ZPLD1: variants seen among roughly 807,000 people sequenced by gnomAD.
The protein encoded by ZPLD1 is zona pellucida-like domain-containing protein 1.
In ZPLD1, 34 loss-of-function variants were observed where a neutral mutation model predicts 47.2. The ratio of observed to expected loss-of-function variants is 0.72; its 90% CI spans 0.55 to 0.96. ZPLD1 has a LOEUF of 0.96. ZPLD1 is among the 40% of genes least tolerant of loss of function. The probability of loss-of-function intolerance (pLI) is 0.00; values close to 1 mark genes in which losing one functional copy is unlikely to be tolerated. For synonymous variants in ZPLD1, 176 were observed against 186.2 expected (o/e 0.95, Z 0.45); for missense variants, 512 against 505.8 (o/e 1.01, Z -0.12).
intron 6 of ZPLD1, among the ~76,000 whole-genome samples, chr3:102,391,714 T>G (rs992019462): frequency 6.6e-6 from 1 of 152,026 alleles, no homozygotes; most frequent in Admixed American, 6.6e-5. Context: ...CAGTCAGATA[T>G]CCCCACTGAG....
In ZPLD1 at chr3:102,477,462, C is replaced by T; in HGVS notation, c.1092C>T (p.Pro364=). The change falls in exon 12 of 12, where the codon CCC becomes CCT. Residue 364 remains proline (P), a synonymous_variant. Transcript: ENST00000466937. The stretch of plus-strand genomic sequence containing the variant: ...TTGCAGGTTCTCCAAGTATGCCTCC[C>T]TTCCAGCTGAACGCCATCACCAGCG... ...NSQLGSPSMP[P]FQLNAITSAL... 1 of 1,612,736 alleles carries T rather than the reference C, an allele frequency of 6.2e-7. No individual in the cohort carries two copies. Among genetic ancestry groups the T allele is most frequent in the Non-Finnish European group, 8.5e-7 (1 of 1,179,432 alleles).
At chr3:102,413,541 A>G (rs151254942) in intron 7 of ZPLD1, among the ~76,000 whole-genome samples, 99 of 151,894 alleles carry the variant, frequency 6.5e-4, no homozygotes, top group African/African-American at 2.3e-3. Context: ...CCTGAAACAA[A>G]AATTAAGTAT....
At chr3:102,469,725 A>G (rs1707652470) in intron 9 of ZPLD1, among the ~76,000 whole-genome samples, 1 of 152,164 alleles carries the variant, frequency 6.6e-6, no homozygotes, top group African/African-American at 2.4e-5. Context: ...GGAAAGGTAG[A>G]TTGTGGCCAG....
chr3:102,454,227 A>C (rs9822597), intron 4 of ZPLD1, among the ~76,000 whole-genome samples: 4,391 of 152,268 alleles, frequency 0.029, 90 homozygotes, highest in South Asian at 0.046. Context: ...GCCCGTGACC[A>C]TTTCCAAGCC....
chr3:102,403,333 C>A (rs368188736), intron 7 of ZPLD1, among the ~76,000 whole-genome samples: 1 of 151,936 alleles, frequency 6.6e-6, no homozygotes, highest in Non-Finnish European at 1.5e-5. Flanking sequence ...GATAGATGAG[C>A]TTTTGTTTCC....
intron 8 of ZPLD1, among the ~76,000 whole-genome samples, chr3:102,427,545 G>A (rs183771285): frequency 1.4e-4 from 21 of 152,286 alleles, no homozygotes; most frequent in Admixed American, 2.6e-4. Context: ...TTTGAAGGCA[G>A]GTCCCAGGGA....
At position 102,392,503 on chromosome 3, in the gene ZPLD1, CCTTT is replaced by C. The variant is rs1363863113; in HGVS notation, c.-157+286_-157+289del. 7.9e-5 allele frequency among the ~76,000 whole-genome samples: 12 copies of C among 151,352 alleles called. No homozygotes were observed. In the East Asian group the frequency reaches 1.4e-3, roughly 17 times the overall value. ...ATGTTACCTCAGGTGGATCTCCCTT[CCTTT>C]CTTTCTTCCTTCCTTCCTTCCTTCC... On this transcript the variant is annotated intron_variant, in intron 7 of 17. Coordinates refer to the ZPLD1 transcript ENST00000491959.
chr3:102,468,860 C>A, intron 8 of ZPLD1, 104 bp from the exon 9 acceptor site: 1 of 1,098,076 alleles, frequency 9.1e-7, no homozygotes, highest in South Asian at 1.7e-5. Context: ...TCTGTTAGCT[C>A]TTAATGTAAT....
intron 7 of ZPLD1, among the ~76,000 whole-genome samples, chr3:102,400,147 G>A (rs1329731546): frequency 6.6e-6 from 1 of 152,022 alleles, no homozygotes; most frequent in Non-Finnish European, 1.5e-5. Context: ...GCATAACTCA[G>A]TAAAGAAAGT....
chr3:102,405,030 A>G (rs1706665400), intron 7 of ZPLD1, among the ~76,000 whole-genome samples: 1 of 152,010 alleles, frequency 6.6e-6, no homozygotes, highest in Non-Finnish European at 1.5e-5. Flanking sequence ...TGAGCTTGTA[A>G]CAGCTGCTGT....
chr3:102,477,876 G>T lies in ZPLD1; in HGVS notation c.*258G>T. 3.3e-6 allele frequency: 1 copy of T among 302,596 alleles called. No individual in the cohort carries two copies. Among genetic ancestry groups the T allele is most frequent in the Non-Finnish European group, 6.0e-6 (1 of 166,376 alleles). The allele number at this position is 302,596 out of a possible 1,614,324, so 18.7% of individuals were successfully genotyped here. ...TAAGTGAAAAATATTCAGGACTTAGGGCTTACAGGATCAGTAATATTTCAT... is the reference window on the plus strand; with the variant it reads ...TAAGTGAAAAATATTCAGGACTTAGTGCTTACAGGATCAGTAATATTTCAT... On this transcript the variant is annotated 3_prime_UTR_variant, in exon 12 of 12. Coordinates refer to ENST00000466937, the MANE Select transcript of ZPLD1 (RefSeq NM_001329788.2).
rs1707769400 is a variant in ZPLD1, at chr3:102,477,069, T to C, written c.1072+28T>C. 1.9e-6 allele frequency: 3 copies of C among 1,611,644 alleles called. No individual in the cohort carries two copies. The African/African-American group carries it at 4.0e-5, about 22-fold the overall frequency. On this transcript the variant is annotated intron_variant, in intron 11 of 11. Transcript: ENST00000466937. ...AAGATAATTAACATATTTTGCAATG[T>C]TTTTTACATTTTTGGTGATCAGTTA... is the stretch of plus-strand genomic sequence containing the variant.
At chr3:102,458,386 C>G (rs1352039329) in intron 6 of ZPLD1, among the ~76,000 whole-genome samples, 1 of 152,110 alleles carries the variant, frequency 6.6e-6, no homozygotes, top group Non-Finnish European at 1.5e-5. Context: ...TCGACATTGG[C>G]AGCAAAACGT....
intron 10 of ZPLD1, among the ~76,000 whole-genome samples, chr3:102,473,775 G>A: frequency 6.6e-6 from 1 of 152,054 alleles, no homozygotes; most frequent in Middle Eastern, 3.2e-3. Flanking sequence ...CCATCCACAT[G>A]CAAATCCTGT....
At position 102,477,717 on chromosome 3, in the gene ZPLD1, A is replaced by G; in HGVS notation, c.*99A>G. On this transcript the variant is annotated 3_prime_UTR_variant, in exon 12 of 12. Transcript: ENST00000466937. ...TGAATTTCATGTCAGTCCACATTCA[A>G]TATTTGTAGGTTTGATAAATTTCAC... 8.7e-7 allele frequency: 1 copy of G among 1,152,116 alleles called. No homozygotes were observed. The highest frequency in any genetic ancestry group is 1.2e-6 in the Non-Finnish European group (1 of 829,108). 71.4% of individuals were successfully genotyped at this position (1,152,116 alleles called of 1,614,324 possible). A position where few individuals can be genotyped will look rare whatever the true frequency, so the allele number is the denominator to read the frequency against.
At chr3:102,446,993 A>G (rs1456416597) in intron 3 of ZPLD1, among the ~76,000 whole-genome samples, 1 of 152,192 alleles carries the variant, frequency 6.6e-6, no homozygotes, top group Non-Finnish European at 1.5e-5. Context: ...TCTTGAAAAT[A>G]AGTAAAACCA....
At chr3:102,462,181 G>A in intron 6 of ZPLD1, 100 bp from the exon 7 acceptor site, 4 of 699,548 alleles carry the variant, frequency 5.7e-6, no homozygotes, top group Non-Finnish European at 9.3e-6. Context: ...GGTTTATGTT[G>A]ATTTACTTTC....
Position 102,469,056 on chromosome 3 carries a change from A to G in ZPLD1, c.854A>G (p.Lys285Arg), listed in dbSNP as rs145497598. ...SFEVFRFVKHKNQKMSTVFLH... is the reference protein window; with the variant it reads ...SFEVFRFVKHRNQKMSTVFLH... ...GAAGTGTTCCGATTTGTGAAACACA[A>G]GAATCAGAAAATGTCCACTGTCTTC... The change falls in exon 9 of 12, where the codon AAG becomes AGG. Residue 285 changes from lysine to arginine, a missense_variant. Lys to Arg is a conservative substitution (Grantham distance 26, BLOSUM62 2). Coordinates refer to ENST00000466937, the MANE Select transcript of ZPLD1 (RefSeq NM_001329788.2). The G allele has an allele frequency of 9.3e-6, 15 of 1,614,094 alleles. No individual in the cohort carries two copies. The highest frequency in any genetic ancestry group is 1.1e-5 in the South Asian group (1 of 91,074).
At chr3:102,391,768 A>G (rs772602416) in intron 6 of ZPLD1, among the ~76,000 whole-genome samples, 3 of 152,056 alleles carry the variant, frequency 2.0e-5, no homozygotes, top group Non-Finnish European at 4.4e-5. Flanking sequence ...AGTGATTATA[A>G]TTGTAGTTTC....
Sources: allele counts gnomAD v4.1 joint callset (sites outside exome capture counted in the v4.1 genomes callset), GRCh38; gene constraint gnomAD v4.1.1; transcripts MANE v1.5; gene names NCBI Gene and HGNC (gene_info 2026-07-23, HGNC 2026-07-21).